The following HAPLN2 variants were observed in gnomAD, a reference collection of about 807,000 sequenced individuals.
The protein encoded by HAPLN2 is hyaluronan and proteoglycan link protein 2.
HAPLN2 carries 27 observed loss-of-function variants against 29.3 expected under a neutral mutation model. The observed-to-expected ratio is 0.92, with a 90% CI of 0.68 to 1.27. HAPLN2 has a LOEUF of 1.27. HAPLN2 is among the 50% of genes most tolerant of loss of function. The pLI, the probability that HAPLN2 is intolerant of heterozygous loss-of-function variation, is 0.00. For missense variants in HAPLN2, 454 were observed against 484.3 expected (o/e 0.94, Z 0.59); for synonymous variants, 208 against 211.7 (o/e 0.98, Z 0.15).
rs1678171814 is a variant in HAPLN2 at position 156,620,132 on chromosome 1, C to T, written c.-51C>T. 2 of 152,260 alleles carry T rather than the reference C, an allele frequency of 1.3e-5. No homozygotes were observed. The highest frequency in any genetic ancestry group is 1.3e-4 in the Admixed American group (2 of 15,278). The allele number at this position is 152,260 out of a possible 1,614,324, so 9.4% of individuals were successfully genotyped here. On this transcript the variant is annotated 5_prime_UTR_variant, in exon 2 of 7. Coordinates refer to ENST00000255039, the MANE Select transcript of HAPLN2 (RefSeq NM_021817.3). The stretch of plus-strand genomic sequence containing the variant: ...AGCTGCTAAGCACTGCTCCCTCCGT[C>T]TCTGTGAAGAGACCAGCTTCTAACA...
chr1:156,606,424 A>T, the HAPLN2 span, among the ~76,000 whole-genome samples: 1 of 58,938 alleles, frequency 1.7e-5, no homozygotes, highest in Non-Finnish European at 2.9e-5. Context: ...GACTCTGTCT[A>T]AAAAAAAAAA....
At chr1:156,623,654 T>A (rs2102531417) in intron 3 of HAPLN2, 79 bp downstream of exon 3, 1 of 1,583,646 alleles carries the variant, frequency 6.3e-7, no homozygotes, top group South Asian at 1.1e-5. Context: ...AGGGCAGTTG[T>A]TGCAGGTACC....
At chr1:156,612,580 G>A in the HAPLN2 span, among the ~76,000 whole-genome samples, 1 of 152,192 alleles carries the variant, frequency 6.6e-6, no homozygotes, top group Non-Finnish European at 1.5e-5. Flanking sequence ...GTTAAGGAAA[G>A]CTTCCCGGAG....
At chr1:156,604,441 C>G in the HAPLN2 span, among the ~76,000 whole-genome samples, 6 of 152,060 alleles carry the variant, frequency 3.9e-5, no homozygotes, top group Non-Finnish European at 7.4e-5. Flanking sequence ...AGGTGCGTGC[C>G]ACCACGCCCA....
intron 2 of HAPLN2, 80 bp from the exon 3 acceptor site, chr1:156,623,387 A>T: frequency 1.7e-6 from 2 of 1,196,038 alleles, no homozygotes. Flanking sequence ...AGGATCTCTG[A>T]TGGGAGTTCA....
At position 156,623,481 on chromosome 1, in the gene HAPLN2, A is replaced by AC. The variant is rs748779498; in HGVS notation, c.-4dup. On this transcript the variant is annotated 5_prime_UTR_variant, in exon 3 of 7. Coordinates refer to ENST00000255039, the MANE Select transcript of HAPLN2 (RefSeq NM_021817.3). The stretch of plus-strand genomic sequence containing the variant: ...GTGCCCTGCAGACGGTGCCGGGCTG[A>AC]CCCCCCATCATGCCAGGCTGGCTCA... The AC allele has an allele frequency of 4.3e-6, 7 of 1,613,094 alleles. No homozygotes were observed. Among genetic ancestry groups the AC allele is most frequent in the African/African-American group, 4.0e-5 (3 of 74,582 alleles).
the HAPLN2 span, among the ~76,000 whole-genome samples, chr1:156,612,452 A>G: frequency 6.6e-6 from 1 of 152,194 alleles, no homozygotes; most frequent in South Asian, 2.1e-4. Flanking sequence ...GCAGTGGCTA[A>G]ATCATAGCTT....
At chr1:156,618,038 T>G (rs1486587669), upstream of HAPLN2, among the ~76,000 whole-genome samples, 2 of 152,144 alleles carry the variant, frequency 1.3e-5, no homozygotes, top group African/African-American at 4.8e-5. Context: ...GGCTCACGCC[T>G]GTAATCCCAG....
Position 156,624,473 on chromosome 1 carries a change from C to G in HAPLN2, c.556+6C>G. 1 of 1,611,272 alleles carries G rather than the reference C, an allele frequency of 6.2e-7. No individual in the cohort carries two copies. Among genetic ancestry groups the G allele is most frequent in the East Asian group, 2.2e-5 (1 of 44,776 alleles). On this transcript the variant is annotated splice_donor_region_variant and intron_variant, in intron 5 of 6. Transcript: ENST00000255039. ...CTACTCCCAGCTCTACCAGGGTGAG[C>G]GGCCGAACCCAGCACTTCCCAAGCC...
At chr1:156,610,640 CA>C in the HAPLN2 span, among the ~76,000 whole-genome samples, 113 of 121,412 alleles carry the variant, frequency 9.3e-4, no homozygotes, top group Middle Eastern at 4.8e-3. Flanking sequence ...AACTCCGTCT[CA>C]AAAAAAAAAA....
the HAPLN2 span, among the ~76,000 whole-genome samples, chr1:156,602,549 C>CAAAAAAAA: frequency 4.6e-5 from 2 of 43,752 alleles, no homozygotes; most frequent in Admixed American, 3.9e-4. Flanking sequence ...CTAAAAATAC[C>CAAAAAAAA]AAAAAAAAAA....
At chr1:156,604,938 A>G in the HAPLN2 span, among the ~76,000 whole-genome samples, 1 of 148,392 alleles carries the variant, frequency 6.7e-6, no homozygotes, top group South Asian at 2.2e-4. Flanking sequence ...TTTTTTGCAT[A>G]AATCAACAAG....
At position 156,625,410 on chromosome 1, in the gene HAPLN2, G is replaced by A; in HGVS notation, c.*26G>A. 1.3e-6 allele frequency: 2 copies of A among 1,550,842 alleles called. No homozygotes were observed. The highest frequency in any genetic ancestry group is 1.2e-5 in the South Asian group (1 of 84,522). ...GCGCCCACCGTGTCCCCTCCAGCGCGCGCGAAGAAGCTTGGGAGTCGTGGC... is the reference window on the plus strand; with the variant it reads ...GCGCCCACCGTGTCCCCTCCAGCGCACGCGAAGAAGCTTGGGAGTCGTGGC... On this transcript the variant is annotated 3_prime_UTR_variant, in exon 7 of 7. Coordinates refer to ENST00000255039, the MANE Select transcript of HAPLN2 (RefSeq NM_021817.3). The surrounding 1 kb of genome is among the most constrained non-coding windows in gnomAD (Gnocchi z 5.7).
the HAPLN2 span, among the ~76,000 whole-genome samples, chr1:156,602,160 C>T: frequency 1.3e-5 from 2 of 152,184 alleles, no homozygotes; most frequent in African/African-American, 4.8e-5. Flanking sequence ...GGCTGGTCTC[C>T]AATCCCTGGC....
chr1:156,606,938 CATA>C, the HAPLN2 span, among the ~76,000 whole-genome samples: 1 of 152,000 alleles, frequency 6.6e-6, no homozygotes, highest in Non-Finnish European at 1.5e-5. Context: ...GGTGTTTTTT[CATA>C]ATAATTTCCC....
At chr1:156,611,312 C>T in the HAPLN2 span, among the ~76,000 whole-genome samples, 2 of 151,492 alleles carry the variant, frequency 1.3e-5, no homozygotes, top group Non-Finnish European at 2.9e-5. Context: ...CGTCTGTAAT[C>T]CCAGCACTTT....
the HAPLN2 span, among the ~76,000 whole-genome samples, chr1:156,614,041 A>G: frequency 6.6e-6 from 1 of 152,106 alleles, no homozygotes; most frequent in South Asian, 2.1e-4. Context: ...CACAGCAAAG[A>G]AGAACTCATC....
the HAPLN2 span, among the ~76,000 whole-genome samples, chr1:156,605,200 A>C: frequency 6.6e-6 from 1 of 151,642 alleles, no homozygotes; most frequent in South Asian, 2.1e-4. Flanking sequence ...TGGGAAGTGG[A>C]GGTTGCAGTG....
chr1:156,605,523 C>T, the HAPLN2 span, among the ~76,000 whole-genome samples: 9 of 126,384 alleles, frequency 7.1e-5, no homozygotes, highest in East Asian at 2.7e-4. Context: ...CTCTTGAACC[C>T]GGGAGGCAGA....
Sources: allele counts gnomAD v4.1 joint callset (sites outside exome capture counted in the v4.1 genomes callset), GRCh38; gene constraint gnomAD v4.1.1; non-coding constraint Gnocchi (gnomAD v3.1); transcripts MANE v1.5; gene names NCBI Gene and HGNC (gene_info 2026-07-23, HGNC 2026-07-21).